Variants in MCF2L2 observed in about 807,000 individuals in gnomAD.
The protein encoded by MCF2L2 is MCF.2 cell line derived transforming sequence-like 2.
In MCF2L2, 102 loss-of-function variants were observed where a neutral mutation model predicts 150.2. That is an observed-to-expected ratio of 0.68 (90% CI 0.58 to 0.80). The LOEUF (loss-of-function observed/expected upper bound fraction) is 0.80, where lower values mean the gene tolerates loss of function less well. MCF2L2 is among the 30% of genes least tolerant of loss of function. The pLI is 0.00. For missense variants in MCF2L2, 1,256 were observed against 1,372.8 expected (o/e 0.91, Z 1.34); for synonymous variants, 465 against 491.3 (o/e 0.95, Z 0.71).
chr3:183,295,540 G>A (rs548767446), intron 12 of MCF2L2, 63 bp from the exon 13 acceptor site: 76 of 1,522,174 alleles, frequency 5.0e-5, no homozygotes, highest in Admixed American at 1.9e-4. Flanking sequence ...AGGACACGAA[G>A]CATTCCCTTT....
At chr3:183,211,470 T>G (rs916615425) in intron 22 of MCF2L2, among the ~76,000 whole-genome samples, 2 of 152,168 alleles carry the variant, frequency 1.3e-5, no homozygotes, top group Admixed American at 6.5e-5. Flanking sequence ...ATTGCCCATC[T>G]CCACGCCCAA....
intron 11 of MCF2L2, chr3:183,298,021 T>G (rs1293451694): frequency 2.0e-5 from 3 of 152,202 alleles, no homozygotes; most frequent in Admixed American, 6.5e-5. Context: ...AAAACACAAC[T>G]TTCATCTTTG....
At chr3:183,310,792 G>A in intron 9 of MCF2L2, 123 bp downstream of exon 9, 1 of 654,492 alleles carries the variant, frequency 1.5e-6, no homozygotes, top group African/African-American at 1.8e-5. Flanking sequence ...AAAGAAGCAA[G>A]GAGATAAGGA....
chr3:183,257,168 T>C (rs1234891272), intron 15 of MCF2L2, among the ~76,000 whole-genome samples: 4 of 152,224 alleles, frequency 2.6e-5, no homozygotes, highest in East Asian at 1.9e-4. Context: ...TGGACTGACA[T>C]TGTCAACAAG....
intron 3 of MCF2L2, among the ~76,000 whole-genome samples, chr3:183,358,553 G>GA (rs1370107052): frequency 6.6e-6 from 1 of 152,184 alleles, no homozygotes; most frequent in Non-Finnish European, 1.5e-5. Flanking sequence ...ATGAAACAAG[G>GA]AAAAATCTAT....
intron 27 of MCF2L2, among the ~76,000 whole-genome samples, chr3:183,186,396 G>A (rs1157698594): frequency 1.3e-5 from 2 of 152,136 alleles, no homozygotes; most frequent in South Asian, 4.1e-4. Context: ...TAGGATTACA[G>A]ACACCCACCA....
chr3:183,216,325 G>A (rs903237326), intron 21 of MCF2L2, among the ~76,000 whole-genome samples: 6 of 150,058 alleles, frequency 4.0e-5, no homozygotes, highest in Non-Finnish European at 8.9e-5. Context: ...TACTAGTGAC[G>A]AATGAAGTTC....
At chr3:183,269,815 G>T in intron 15 of MCF2L2, 1 of 1,607,340 alleles carries the variant, frequency 6.2e-7, no homozygotes, top group South Asian at 1.1e-5. Flanking sequence ...ATGTTGGTTA[G>T]TGGCAGAAGA....
chr3:183,303,005 T>C (rs976434228), intron 10 of MCF2L2, among the ~76,000 whole-genome samples: 2 of 151,920 alleles, frequency 1.3e-5, no homozygotes, highest in African/African-American at 4.8e-5. Context: ...CCATCCTGGC[T>C]AACACGGTGA....
At chr3:183,361,112 AAAAAGAAAAAG>A (rs942498629) in intron 3 of MCF2L2, among the ~76,000 whole-genome samples, 5 of 86,342 alleles carry the variant, frequency 5.8e-5, no homozygotes, top group Admixed American at 2.0e-4. Context: ...CAAGAAAAGA[AAAAAGAAAAAG>A]AAAAGAAAAA....
At chr3:183,184,369 G>A (rs993543290) in intron 27 of MCF2L2, among the ~76,000 whole-genome samples, 2 of 152,138 alleles carry the variant, frequency 1.3e-5, no homozygotes, top group African/African-American at 4.8e-5. Flanking sequence ...TGAATGGAAC[G>A]ACTTTTGTCC....
chr3:183,334,871 A>T (rs1338075426), intron 5 of MCF2L2, among the ~76,000 whole-genome samples: 1 of 151,950 alleles, frequency 6.6e-6, no homozygotes, highest in East Asian at 1.9e-4. Context: ...TTGGGAGGCT[A>T]AGGCGGACAG....
intron 1 of MCF2L2, among the ~76,000 whole-genome samples, chr3:183,393,547 C>T (rs1714282244): frequency 6.6e-6 from 1 of 152,166 alleles, no homozygotes; most frequent in Non-Finnish European, 1.5e-5. Flanking sequence ...AATTCAATTT[C>T]AACACAATTT....
At chr3:183,190,039 CCT>C (rs748451833) in intron 27 of MCF2L2, among the ~76,000 whole-genome samples, 1 of 152,196 alleles carries the variant, frequency 6.6e-6, no homozygotes, top group Non-Finnish European at 1.5e-5. Flanking sequence ...AGGGAGGCCC[CCT>C]GATTCTGATC....
intron 3 of MCF2L2, chr3:183,374,977 T>C (rs1414391460): frequency 3.3e-5 from 5 of 152,208 alleles, no homozygotes; most frequent in East Asian, 3.9e-4. Flanking sequence ...CCAGGACCCA[T>C]GGTCATAAGA....
At position 183,181,220 on chromosome 3, in the gene MCF2L2, A is replaced by G. The variant is rs529055; in HGVS notation, c.3017-1061T>C. ...ATCTGGGTGAGCAGGCAGCACAAGT[A>G]GCGTCTCCTGGGCTGCTGCCCCAAG... On this transcript the variant is annotated intron_variant, in intron 27 of 29. Transcript: ENST00000328913. The surrounding 1 kb of genome is among the most constrained non-coding windows in gnomAD (Gnocchi z 4.3). 0.85 allele frequency among the ~76,000 whole-genome samples: 129,446 copies of G among 152,030 alleles called. 55,502 individuals are homozygous for G. The highest frequency in any genetic ancestry group is 0.9 in the Admixed American group (13,782 of 15,276).
intron 3 of MCF2L2, among the ~76,000 whole-genome samples, chr3:183,348,666 A>C (rs1730995435): frequency 6.6e-6 from 1 of 152,236 alleles, no homozygotes. Context: ...AGATTGAAAG[A>C]AAAGGGTAGT....
intron 1 of MCF2L2, among the ~76,000 whole-genome samples, chr3:183,410,371 T>C (rs1295536757): frequency 6.6e-6 from 1 of 152,212 alleles, no homozygotes; most frequent in Non-Finnish European, 1.5e-5. Flanking sequence ...TCCAGTCCAG[T>C]GGCCTACAAG....
At chr3:183,297,236 A>C (rs561831218) in intron 11 of MCF2L2, 69 bp from the exon 12 acceptor site, 159 of 1,362,138 alleles carry the variant, frequency 1.2e-4, no homozygotes, top group Non-Finnish European at 1.1e-4. Flanking sequence ...AATCCTCAGC[A>C]GGTCTGAGCT....
Sources: gnomAD v4.1 joint callset for allele counts (sites outside exome capture counted in the v4.1 genomes callset) on GRCh38, gnomAD v4.1.1 for gene constraint, Gnocchi (gnomAD v3.1) non-coding constraint, MANE v1.5 for transcripts, NCBI Gene and HGNC (gene_info 2026-07-23, HGNC 2026-07-21) for gene names.